Variants in MEGF6 observed in about 807,000 individuals in gnomAD.
MEGF6 encodes multiple epidermal growth factor-like domains protein 6.
A neutral mutation model predicts 207.1 loss-of-function variants in MEGF6; 184 were observed. The observed-to-expected ratio is 0.89, with a 90% confidence interval of 0.79 to 1.00. The LOEUF (loss-of-function observed/expected upper bound fraction) is 1.00, where lower values mean the gene tolerates loss of function less well. Among genes scored for constraint, MEGF6 ranks in the 50% least tolerant of loss-of-function variants. The probability of loss-of-function intolerance (pLI) is 0.00; values close to 1 mark genes in which losing one functional copy is unlikely to be tolerated. For missense variants in MEGF6, 2,282 were observed against 2,202.9 expected (o/e 1.04, Z -0.72); for synonymous variants, 1,038 against 910.0 (o/e 1.14, Z -2.53).
In MEGF6 at chr1:3,505,360, G is replaced by C. The variant is rs374216890; in HGVS notation, c.2054-18C>G. On this transcript the variant is annotated intron_variant, in intron 16 of 36. Transcript: ENST00000356575. ...CTCACACTCTGCAGGGCGTGAGAGA[G>C]GGGTGGGTGGGGTTAACCGACCCTG... The C allele has an allele frequency of 1.9e-5, 31 of 1,607,984 alleles. No individual in the cohort carries two copies. The highest frequency in any genetic ancestry group is 2.6e-5 in the Non-Finnish European group (31 of 1,177,374).
Position 3,497,486 on chromosome 1 carries a change from C to T in MEGF6, c.3353-125G>A, listed in dbSNP as rs577009484. 791 of 1,227,996 alleles carry T rather than the reference C, an allele frequency of 6.4e-4. 1 individual carries two copies. Among genetic ancestry groups the T allele is most frequent in the Non-Finnish European group, 8.0e-4 (722 of 902,610 alleles). The allele number at this position is 1,227,996 out of a possible 1,614,324, so 76.1% of individuals were successfully genotyped here. ...AATGCTGGCTGAACTGGGGGCTGTG[C>T]TCACCATTCTCACACCTGGAGCCCC... On this transcript the variant is annotated intron_variant, in intron 26 of 36. Coordinates refer to ENST00000356575, the MANE Select transcript of MEGF6 (RefSeq NM_001409.4).
At chr1:3,619,882 C>G in the MEGF6 span, among the ~76,000 whole-genome samples, 2 of 152,152 alleles carry the variant, frequency 1.3e-5, no homozygotes, top group African/African-American at 4.8e-5. Flanking sequence ...TTGGAGGGCT[C>G]AGAAGACAGG....
At chr1:3,580,002 C>G in intron 3 of MEGF6, 73 bp from the exon 4 acceptor site, 7 of 1,152,388 alleles carry the variant, frequency 6.1e-6, no homozygotes, top group Non-Finnish European at 8.4e-6. Flanking sequence ...GCCTGAGGGT[C>G]TCTCGGGCAG....
chr1:3,531,860 C>G (rs1557755573), intron 4 of MEGF6, among the ~76,000 whole-genome samples: 1 of 151,230 alleles, frequency 6.6e-6, no homozygotes, highest in East Asian at 1.9e-4. Context: ...CCTGCAGAGG[C>G]GGCTGGTGGG....
intron 6 of MEGF6, 140 bp from the exon 7 acceptor site, chr1:3,514,812 G>A (rs552683924): frequency 4.3e-4 from 440 of 1,016,232 alleles, no homozygotes; most frequent in Non-Finnish European, 5.7e-4. Flanking sequence ...TGGGCAGCGG[G>A]TCTCCCTCCT....
chr1:3,533,386 C>A (rs919061892), intron 4 of MEGF6, among the ~76,000 whole-genome samples: 1 of 152,242 alleles, frequency 6.6e-6, no homozygotes, highest in East Asian at 1.9e-4. Flanking sequence ...CTAAATCGCA[C>A]GGATAGACAG....
chr1:3,488,503 TTC>T lies in MEGF6; in HGVS notation c.*2023_*2024del, dbSNP rs2100783355. Among the ~76,000 whole-genome samples, 1 of 152,358 alleles carries T rather than the reference TTC, an allele frequency of 6.6e-6. No homozygotes were observed. The highest frequency in any genetic ancestry group is 6.5e-5 in the Admixed American group (1 of 15,300). On this transcript the variant is annotated 3_prime_UTR_variant, in exon 37 of 37. Coordinates refer to ENST00000356575, the MANE Select transcript of MEGF6 (RefSeq NM_001409.4). ...GAATATCTCAGAGCACCCTCCTGGC[TTC>T]TTTCTCTTCTGGCTGGAGAACGTCT...
At chr1:3,500,021 G>A in intron 21 of MEGF6, 97 bp from the exon 22 acceptor site, 1 of 1,436,416 alleles carries the variant, frequency 7.0e-7, no homozygotes, top group Middle Eastern at 2.5e-4. Flanking sequence ...CTGTGGGACA[G>A]GCCTGGCTCA....
chr1:3,534,624 G>C (rs74050570), intron 4 of MEGF6, among the ~76,000 whole-genome samples: 3 of 152,150 alleles, frequency 2.0e-5, no homozygotes, highest in African/African-American at 7.2e-5. Context: ...GCCCCTTCCC[G>C]GCCCTTTGCT....
chr1:3,616,454 A>G (rs1031431423), upstream of MEGF6, among the ~76,000 whole-genome samples: 7 of 151,998 alleles, frequency 4.6e-5, no homozygotes, highest in Non-Finnish European at 7.4e-5. Flanking sequence ...ATCAACACCA[A>G]CGACCACCCC....
chr1:3,622,195 G>T, the MEGF6 span, among the ~76,000 whole-genome samples: 1 of 151,978 alleles, frequency 6.6e-6, no homozygotes, highest in South Asian at 2.1e-4. Flanking sequence ...ATCTCATCTC[G>T]AATTGTAATC....
At chr1:3,526,155 G>A (rs558022909) in intron 4 of MEGF6, among the ~76,000 whole-genome samples, 2 of 152,322 alleles carry the variant, frequency 1.3e-5, no homozygotes. Flanking sequence ...CACTCCAGGA[G>A]GACTCTCCTA....
intron 26 of MEGF6, chr1:3,497,690 A>G: frequency 2.0e-6 from 1 of 493,778 alleles, no homozygotes; most frequent in Non-Finnish European, 3.8e-6. Context: ...AAGGCGAAGG[A>G]GCCGGGAGAC....
chr1:3,624,766 C>A, the MEGF6 span: 1 of 182,666 alleles, frequency 5.5e-6, no homozygotes, highest in Non-Finnish European at 1.1e-5. Flanking sequence ...CCGGCTTCGG[C>A]CCCGCCCCTT....
At chr1:3,581,832 C>T (rs561748408) in intron 3 of MEGF6, among the ~76,000 whole-genome samples, 1 of 152,188 alleles carries the variant, frequency 6.6e-6, no homozygotes, top group South Asian at 2.1e-4. Flanking sequence ...ACCCTGTTTC[C>T]CACGGGCTGG....
At chr1:3,579,983 G>GGGGGT in intron 3 of MEGF6, 54 bp from the exon 4 acceptor site, 1 of 1,322,984 alleles carries the variant, frequency 7.6e-7, no homozygotes, top group Non-Finnish European at 1.0e-6. Flanking sequence ...TGAGGCAGGG[G>GGGGGT]GAGGTGAGGC....
At chr1:3,587,474 A>G (rs1192929634) in intron 3 of MEGF6, among the ~76,000 whole-genome samples, 1 of 152,244 alleles carries the variant, frequency 6.6e-6, no homozygotes, top group Non-Finnish European at 1.5e-5. Flanking sequence ...TGTTTAACCT[A>G]TAGCATTTAT....
intron 4 of MEGF6, among the ~76,000 whole-genome samples, chr1:3,578,722 A>G (rs1261435009): frequency 6.8e-6 from 1 of 146,414 alleles, no homozygotes; most frequent in Non-Finnish European, 1.5e-5. Flanking sequence ...CTTTCCAACA[A>G]TGGCCAATGC....
At chr1:3,520,129 C>A (rs1197546545) in intron 5 of MEGF6, among the ~76,000 whole-genome samples, 1 of 152,258 alleles carries the variant, frequency 6.6e-6, no homozygotes, top group Non-Finnish European at 1.5e-5. Context: ...GGAGGGACCT[C>A]TGCTGGTAAA....
Sources: gnomAD v4.1 joint callset for allele counts (sites outside exome capture counted in the v4.1 genomes callset) on GRCh38, gnomAD v4.1.1 for gene constraint, MANE v1.5 for transcripts, NCBI Gene and HGNC (gene_info 2026-07-23, HGNC 2026-07-21) for gene names.